Variants in CRYL1 observed in about 807,000 individuals in gnomAD.
The protein encoded by CRYL1 is crystallin lambda 1.
CRYL1 carries 29 observed loss-of-function variants against 36.6 expected under a neutral mutation model. That is an observed-to-expected ratio of 0.79 (90% CI 0.59 to 1.08). The LOEUF (loss-of-function observed/expected upper bound fraction) is 1.08. Among genes scored for constraint, CRYL1 ranks in the 50% least tolerant of loss-of-function variants. The pLI is 0.00. For synonymous variants in CRYL1, 152 were observed against 151.5 expected (o/e 1.00, Z -0.02); for missense variants, 411 against 407.9 (o/e 1.01, Z -0.06).
chr13:20,420,920 A>C (rs2031795292), intron 5 of CRYL1, among the ~76,000 whole-genome samples: 2 of 151,894 alleles, frequency 1.3e-5, no homozygotes, highest in African/African-American at 4.8e-5. Flanking sequence ...TTTTTAGTAG[A>C]AACAGGATTT....
chr13:20,416,844 C>G (rs1243584792), intron 5 of CRYL1, among the ~76,000 whole-genome samples: 2 of 152,190 alleles, frequency 1.3e-5, no homozygotes, highest in Non-Finnish European at 2.9e-5. Flanking sequence ...CCATGCTGCC[C>G]CATGACCTGG....
At chr13:20,460,095 T>C (rs1423084569) in intron 3 of CRYL1, among the ~76,000 whole-genome samples, 2 of 152,218 alleles carry the variant, frequency 1.3e-5, no homozygotes, top group Admixed American at 6.5e-5. Context: ...TCACCCTTAA[T>C]ATCTCAAAAA....
intron 5 of CRYL1, among the ~76,000 whole-genome samples, chr13:20,426,002 T>C (rs1471547102): frequency 6.6e-6 from 1 of 152,036 alleles, no homozygotes; most frequent in Non-Finnish European, 1.5e-5. Context: ...TCATGACTCC[T>C]AAAGGGAAAA....
At position 20,485,626 on chromosome 13, in the gene CRYL1, G is replaced by A. The variant is rs148907748; in HGVS notation, c.276+3744C>T. On this transcript the variant is annotated intron_variant, in intron 3 of 7. Transcript: ENST00000298248. Reference sequence around the variant, plus strand: ...GGAGGTTGCAGGGAGCTGAGATCACGCCACTGCACTCCAGCCTGGACAACA... The same window carrying A: ...GGAGGTTGCAGGGAGCTGAGATCACACCACTGCACTCCAGCCTGGACAACA... Among the ~76,000 whole-genome samples the A allele has an allele frequency of 2.3e-3, 348 of 151,102 alleles. 2 individuals carry two copies. Among genetic ancestry groups the A allele is most frequent in the African/African-American group, 8.1e-3 (330 of 40,766 alleles).
chr13:20,522,055 T>G (rs2034106320), intron 1 of CRYL1, among the ~76,000 whole-genome samples: 1 of 152,084 alleles, frequency 6.6e-6, no homozygotes, highest in Non-Finnish European at 1.5e-5. Context: ...AAGTTTCTTA[T>G]AAAAAATGCA....
At chr13:20,524,241 T>C (rs770677496) in intron 1 of CRYL1, among the ~76,000 whole-genome samples, 12 of 152,236 alleles carry the variant, frequency 7.9e-5, no homozygotes, top group African/African-American at 2.2e-4. Flanking sequence ...TGTGTGTGTG[T>C]GCGCGTGCGC....
rs548537059 is a variant in CRYL1, at chr13:20,496,354, C to T, written c.150-6858G>A. Among the ~76,000 whole-genome samples the T allele has an allele frequency of 5.9e-5, 9 of 152,246 alleles. No individual in the cohort carries two copies. The South Asian group carries it at 1.9e-3, about 32-fold the overall frequency. On this transcript the variant is annotated intron_variant, in intron 2 of 7. Transcript: ENST00000298248. Reference sequence around the variant, plus strand: ...TGTGAACGTACTTAATGCTACTCAACTATTATACACGTTAAAATGGCAAAG... The same window carrying T: ...TGTGAACGTACTTAATGCTACTCAATTATTATACACGTTAAAATGGCAAAG...
In CRYL1 at chr13:20,520,996, C is replaced by T. The variant is rs2034083632; in HGVS notation, c.41+4758G>A. ...GCAGGGGCCTGTAGTCCCAGCTACT[C>T]GGGAGGCTGAGGCAGGAGAATCCCG... On this transcript the variant is annotated intron_variant, in intron 1 of 7. Coordinates refer to ENST00000298248, the MANE Select transcript of CRYL1 (RefSeq NM_015974.3). Among the ~76,000 whole-genome samples the T allele has an allele frequency of 2.0e-5, 3 of 148,160 alleles. No individual in the cohort carries two copies. In the Admixed American group the frequency reaches 2.0e-4, roughly 10 times the overall value.
chr13:20,509,997 A>G (rs916889537), intron 2 of CRYL1, among the ~76,000 whole-genome samples: 1 of 152,198 alleles, frequency 6.6e-6, no homozygotes, highest in Non-Finnish European at 1.5e-5. Flanking sequence ...AAAATCCAGA[A>G]CACTGACACC....
At chr13:20,459,211 G>C (rs916161693) in intron 3 of CRYL1, among the ~76,000 whole-genome samples, 2 of 147,266 alleles carry the variant, frequency 1.4e-5, no homozygotes, top group African/African-American at 5.1e-5. Context: ...ACTCCAGCCT[G>C]GGCGACAGAG....
At chr13:20,410,892 C>T (rs542048024) in intron 6 of CRYL1, among the ~76,000 whole-genome samples, 6 of 152,334 alleles carry the variant, frequency 3.9e-5, no homozygotes, top group Middle Eastern at 3.4e-3. Context: ...AGGAGCCGGC[C>T]GGCTGGCTCC....
intron 3 of CRYL1, among the ~76,000 whole-genome samples, chr13:20,445,556 A>G (rs780801908): frequency 6.6e-6 from 1 of 152,182 alleles, no homozygotes; most frequent in African/African-American, 2.4e-5. Flanking sequence ...GATAATATCA[A>G]CCAGAGCCCT....
intron 3 of CRYL1, among the ~76,000 whole-genome samples, chr13:20,480,579 G>A (rs1191575349): frequency 6.6e-6 from 1 of 152,226 alleles, no homozygotes; most frequent in African/African-American, 2.4e-5. Context: ...CCACAAGGTA[G>A]AGGCCAAAGA....
chr13:20,452,324 G>A (rs2032588736), intron 3 of CRYL1, among the ~76,000 whole-genome samples: 1 of 149,868 alleles, frequency 6.7e-6, no homozygotes, highest in Non-Finnish European at 1.5e-5. Context: ...GACTTAGATA[G>A]GTCAAAAGTA....
At chr13:20,438,422 C>T (rs1394314114) in intron 4 of CRYL1, among the ~76,000 whole-genome samples, 1 of 152,174 alleles carries the variant, frequency 6.6e-6, no homozygotes, top group Non-Finnish European at 1.5e-5. Context: ...CCCCAAGCAG[C>T]ACTTCCACAA....
At chr13:20,470,541 G>A (rs976728866) in intron 3 of CRYL1, among the ~76,000 whole-genome samples, 5 of 152,134 alleles carry the variant, frequency 3.3e-5, no homozygotes, top group Admixed American at 6.5e-5. Flanking sequence ...GAAAGGAAGG[G>A]GAAGCAGATT....
chr13:20,410,389 G>C (rs540584283), intron 6 of CRYL1, among the ~76,000 whole-genome samples: 1 of 130,236 alleles, frequency 7.7e-6, no homozygotes, highest in South Asian at 3.1e-4. Flanking sequence ...GTAGTGGGGT[G>C]GGGGGAGGGG....
chr13:20,506,305 A>C (rs2033795077), intron 2 of CRYL1, among the ~76,000 whole-genome samples: 1 of 152,204 alleles, frequency 6.6e-6, no homozygotes, highest in South Asian at 2.1e-4. Flanking sequence ...CCTGCTACTG[A>C]GGAAAGATTT....
intron 3 of CRYL1, among the ~76,000 whole-genome samples, chr13:20,473,274 G>A (rs1241652201): frequency 2.6e-5 from 4 of 152,234 alleles, no homozygotes; most frequent in Admixed American, 1.3e-4. Context: ...CCCACTGTGC[G>A]GCACCCACAT....
Sources: allele counts gnomAD v4.1 joint callset (sites outside exome capture counted in the v4.1 genomes callset), GRCh38; gene constraint gnomAD v4.1.1; transcripts MANE v1.5; gene names NCBI Gene and HGNC (gene_info 2026-07-23, HGNC 2026-07-21).